The following PITPNC1 variants were observed in gnomAD, a reference collection of about 807,000 sequenced individuals.
PITPNC1 encodes phosphatidylinositol transfer protein cytoplasmic 1.
A neutral mutation model predicts 44.7 loss-of-function variants in PITPNC1; 18 were observed. That is an observed-to-expected ratio of 0.40 (90% CI 0.28 to 0.60). The LOEUF is 0.60. Ranked by LOEUF, PITPNC1 falls within the 20% of genes least tolerant of loss-of-function variation. The pLI, the probability that PITPNC1 is intolerant of heterozygous loss-of-function variation, is 0.39. For synonymous variants in PITPNC1, 141 were observed against 149.6 expected (o/e 0.94, Z 0.42); for missense variants, 290 against 418.4 (o/e 0.69, Z 2.68).
At chr17:67,621,367 C>A (rs925127654) in intron 5 of PITPNC1, among the ~76,000 whole-genome samples, 1 of 151,932 alleles carries the variant, frequency 6.6e-6, no homozygotes, top group Admixed American at 6.6e-5. Flanking sequence ...GCTGCCACAC[C>A]TGGCTAATTT....
chr17:67,419,656 AG>A (rs2038641714), intron 1 of PITPNC1, among the ~76,000 whole-genome samples: 1 of 152,230 alleles, frequency 6.6e-6, no homozygotes, highest in African/African-American at 2.4e-5. Context: ...GTATGATCCC[AG>A]CACTTTGGGA....
At chr17:67,477,694 C>A (rs2144020541) in intron 1 of PITPNC1, among the ~76,000 whole-genome samples, 1 of 152,290 alleles carries the variant, frequency 6.6e-6, no homozygotes, top group African/African-American at 2.4e-5. Flanking sequence ...GCATAAGCCA[C>A]CGCATCAGGT....
intron 5 of PITPNC1, among the ~76,000 whole-genome samples, chr17:67,620,282 G>A (rs542301797): frequency 1.2e-4 from 18 of 152,236 alleles, no homozygotes; most frequent in African/African-American, 3.6e-4. Context: ...TCGAACTGCT[G>A]CACGTAAGCA....
rs545584650 is a variant in PITPNC1, at chr17:67,695,427, A to T, written c.*2539A>T. 4.8e-4 allele frequency: 73 copies of T among 152,152 alleles called. No individual in the cohort carries two copies. The highest frequency in any genetic ancestry group is 1.6e-3 in the African/African-American group (66 of 41,524). 9.4% of individuals were successfully genotyped at this position (152,152 alleles called of 1,614,324 possible). Reference sequence around the variant, plus strand: ...TGCAATGGATGTATATATACAGAACATTAATAATTCTTAGAAGGATGGAAG... The same window carrying T: ...TGCAATGGATGTATATATACAGAACTTTAATAATTCTTAGAAGGATGGAAG... On this transcript the variant is annotated 3_prime_UTR_variant, in exon 9 of 9. Coordinates refer to ENST00000581322, the MANE Select transcript of PITPNC1 (RefSeq NM_012417.4).
chr17:67,562,814 C>A (rs923135822), intron 4 of PITPNC1, among the ~76,000 whole-genome samples: 3 of 152,158 alleles, frequency 2.0e-5, no homozygotes, highest in Non-Finnish European at 4.4e-5. Context: ...ATCTTCTGTG[C>A]ACAAAACAGA....
At chr17:67,471,511 A>T (rs1278736223) in intron 1 of PITPNC1, 31 of 355,882 alleles carry the variant, frequency 8.7e-5, no homozygotes, top group Middle Eastern at 9.5e-4. Context: ...GGTGCAAAAG[A>T]AACTGTGGTT....
intron 2 of PITPNC1, among the ~76,000 whole-genome samples, chr17:67,547,779 T>C (rs1338904508): frequency 6.6e-6 from 1 of 152,210 alleles, no homozygotes; most frequent in African/African-American, 2.4e-5. Flanking sequence ...AAGCTCTTTA[T>C]GAAGTAGGTA....
chr17:67,461,964 G>A (rs1035039995), intron 1 of PITPNC1, among the ~76,000 whole-genome samples: 4 of 152,244 alleles, frequency 2.6e-5, no homozygotes, highest in African/African-American at 7.2e-5. Context: ...CCAGCATTAC[G>A]ACCTGGGTTT....
At chr17:67,624,305 A>G (rs2144318680) in intron 5 of PITPNC1, among the ~76,000 whole-genome samples, 1 of 142,818 alleles carries the variant, frequency 7.0e-6, no homozygotes, top group East Asian at 2.0e-4. Flanking sequence ...TCCACTGCCT[A>G]GGCTCAAGCA....
intron 4 of PITPNC1, among the ~76,000 whole-genome samples, chr17:67,562,961 T>C (rs1399161156): frequency 6.6e-6 from 1 of 152,206 alleles, no homozygotes; most frequent in Non-Finnish European, 1.5e-5. Context: ...ACATTTATCA[T>C]CCACTTTCTT....
In PITPNC1 at chr17:67,532,895, G is replaced by C; in HGVS notation, c.142G>C (p.Glu48Gln). The C allele has an allele frequency of 6.2e-7, 1 of 1,610,254 alleles. No individual in the cohort carries two copies. Among genetic ancestry groups the C allele is most frequent in the Non-Finnish European group, 8.5e-7 (1 of 1,178,620 alleles). The change falls in exon 2 of 9, where the codon GAG becomes CAG. Residue 48 changes from glutamate to glutamine, a missense_variant. Transcript: ENST00000581322. ...GVEVVQNEPFEDPHHGNGQFT... is the reference protein window; with the variant it reads ...GVEVVQNEPFQDPHHGNGQFT... Reference sequence around the variant, plus strand: ...GGAGGTCGTCCAGAATGAGCCCTTTGAGGACCCTCACCATGGCAATGGGCA... The same window carrying C: ...GGAGGTCGTCCAGAATGAGCCCTTTCAGGACCCTCACCATGGCAATGGGCA...
intron 1 of PITPNC1, among the ~76,000 whole-genome samples, chr17:67,517,129 G>T (rs1315859015): frequency 1.3e-5 from 2 of 152,250 alleles, no homozygotes; most frequent in Admixed American, 1.3e-4. Flanking sequence ...GATGCCATGT[G>T]GCTGGAGAGC....
intron 1 of PITPNC1, among the ~76,000 whole-genome samples, chr17:67,495,042 T>TTTTTTTTTTTC (rs2039928367): frequency 1.5e-5 from 1 of 68,790 alleles, no homozygotes; most frequent in Non-Finnish European, 2.6e-5. Context: ...ATGGAGTTGT[T>TTTTTTTTTTTC]TTTTTTTTTG....
At chr17:67,616,292 T>C (rs2041756709) in intron 5 of PITPNC1, among the ~76,000 whole-genome samples, 2 of 151,950 alleles carry the variant, frequency 1.3e-5, no homozygotes, top group African/African-American at 2.4e-5. Context: ...AGGGGTGCAC[T>C]ACCACGCCCA....
chr17:67,568,750 G>A (rs547010235), intron 4 of PITPNC1, among the ~76,000 whole-genome samples: 9 of 152,104 alleles, frequency 5.9e-5, no homozygotes, highest in South Asian at 2.1e-4. Flanking sequence ...GCGAGGCATC[G>A]GGAGAGAGGC....
intron 5 of PITPNC1, among the ~76,000 whole-genome samples, chr17:67,599,028 ATATATAT>A (rs1432533622): frequency 0.048 from 1,570 of 32,606 alleles, 13 homozygotes; most frequent in Non-Finnish European, 0.059. Flanking sequence ...ATATATATAT[ATATATAT>A]TTTTTTTTTT....
intron 1 of PITPNC1, among the ~76,000 whole-genome samples, chr17:67,491,260 G>A (rs187000153): frequency 6.6e-6 from 1 of 152,356 alleles, no homozygotes; most frequent in Admixed American, 6.5e-5. Context: ...TGGGCAGCGC[G>A]TTCCCAGGAA....
At chr17:67,454,751 A>G (rs1307957984) in intron 1 of PITPNC1, among the ~76,000 whole-genome samples, 1 of 152,060 alleles carries the variant, frequency 6.6e-6, no homozygotes, top group East Asian at 1.9e-4. Flanking sequence ...TTTCATGAGT[A>G]GTATGTTGCC....
chr17:67,599,035 T>TATATATATATA (rs71139161), intron 5 of PITPNC1, among the ~76,000 whole-genome samples: 68 of 28,704 alleles, frequency 2.4e-3, no homozygotes, highest in East Asian at 5.3e-3. Flanking sequence ...TATATATATA[T>TATATATATATA]TTTTTTTTTT....
Sources: allele counts gnomAD v4.1 joint callset (sites outside exome capture counted in the v4.1 genomes callset), GRCh38; gene constraint gnomAD v4.1.1; transcripts MANE v1.5; gene names NCBI Gene and HGNC (gene_info 2026-07-23, HGNC 2026-07-21).